NAALADL2: variants seen among roughly 807,000 people sequenced by gnomAD.
NAALADL2 encodes N-acetylated alpha-linked acidic dipeptidase like 2, also known as inactive N-acetylated-alpha-linked acidic dipeptidase-like protein 2.
In NAALADL2, 76 loss-of-function variants were observed where a neutral mutation model predicts 87.2. The observed-to-expected ratio is 0.87, with a 90% CI of 0.72 to 1.05. The LOEUF is 1.05. Ranked by LOEUF, NAALADL2 falls within the 50% of genes least tolerant of loss-of-function variation. NAALADL2 has a pLI of 0.00. For missense variants in NAALADL2, 1,089 were observed against 945.8 expected (o/e 1.15, Z -1.99); for synonymous variants, 354 against 331.0 (o/e 1.07, Z -0.75).
chr3:175,009,599 T>C (rs1019520956), intron 1 of NAALADL2, among the ~76,000 whole-genome samples: 1 of 152,216 alleles, frequency 6.6e-6, no homozygotes, highest in Non-Finnish European at 1.5e-5. Context: ...CTGCAGATGC[T>C]ATATGAAAAT....
intron 13 of NAALADL2, among the ~76,000 whole-genome samples, chr3:175,777,765 C>T (rs1750445231): frequency 1.3e-5 from 2 of 152,104 alleles, no homozygotes; most frequent in African/African-American, 4.8e-5. Flanking sequence ...TGTAGTTTAT[C>T]CAGACCACAA....
chr3:175,568,411 A>C (rs1465200355), intron 9 of NAALADL2, among the ~76,000 whole-genome samples: 1 of 152,212 alleles, frequency 6.6e-6, no homozygotes, highest in Non-Finnish European at 1.5e-5. Context: ...CTGGTGATGC[A>C]ATATGATAAA....
intron 1 of NAALADL2, among the ~76,000 whole-genome samples, chr3:174,495,743 T>C (rs1407619814): frequency 1.4e-4 from 16 of 115,660 alleles, no homozygotes; most frequent in African/African-American, 3.1e-5. Flanking sequence ...AATAGACTTC[T>C]TGGTGTGATA....
chr3:174,887,537 A>G (rs1486418906), intron 1 of NAALADL2, among the ~76,000 whole-genome samples: 1 of 152,174 alleles, frequency 6.6e-6, no homozygotes, highest in African/African-American at 2.4e-5. Flanking sequence ...GCTCACATCC[A>G]TAAACCCAGC....
At chr3:174,606,922 T>G (rs1343209499) in intron 2 of NAALADL2, among the ~76,000 whole-genome samples, 1 of 151,374 alleles carries the variant, frequency 6.6e-6, no homozygotes, top group Non-Finnish European at 1.5e-5. Context: ...GCCAGAAAGG[T>G]CGGGTTACCC....
chr3:175,621,096 G>A (rs1428797463), intron 10 of NAALADL2, among the ~76,000 whole-genome samples: 1 of 152,076 alleles, frequency 6.6e-6, no homozygotes, highest in Non-Finnish European at 1.5e-5. Context: ...AGGAACAGAA[G>A]CTCTCACTCC....
intron 9 of NAALADL2, among the ~76,000 whole-genome samples, chr3:175,556,476 A>T (rs1023556668): frequency 6.6e-6 from 1 of 152,280 alleles, no homozygotes; most frequent in East Asian, 1.9e-4. Flanking sequence ...AATATACCTT[A>T]AAAAATAGCT....
At chr3:175,116,627 G>A (rs6803384) in intron 2 of NAALADL2, among the ~76,000 whole-genome samples, 91,863 of 151,870 alleles carry the variant, frequency 0.6, 28,297 homozygotes, top group African/African-American at 0.73. Context: ...ATGGATAGGA[G>A]GAATCAATAT....
intron 2 of NAALADL2, among the ~76,000 whole-genome samples, chr3:174,692,764 GTGT>G (rs1174973241): frequency 6.6e-6 from 1 of 151,956 alleles, no homozygotes; most frequent in Admixed American, 6.6e-5. Flanking sequence ...ACTTGGCTAT[GTGT>G]TGTTTATATT....
intron 9 of NAALADL2, among the ~76,000 whole-genome samples, chr3:175,490,199 G>T (rs1258075971): frequency 2.0e-5 from 3 of 152,086 alleles, no homozygotes; most frequent in African/African-American, 7.2e-5. Context: ...GCCCTTCTTT[G>T]CTGTAATGGT....
At chr3:175,468,572 C>A (rs1724424590) in intron 8 of NAALADL2, among the ~76,000 whole-genome samples, 1 of 151,794 alleles carries the variant, frequency 6.6e-6, no homozygotes, top group Non-Finnish European at 1.5e-5. Flanking sequence ...CTTAAAGATT[C>A]TTTTCGAATT....
At chr3:174,836,739 A>G (rs1216184529) in intron 3 of NAALADL2, among the ~76,000 whole-genome samples, 2 of 149,200 alleles carry the variant, frequency 1.3e-5, no homozygotes. Flanking sequence ...AAAAATGCTT[A>G]AGAGGGTAAA....
At chr3:175,619,273 G>GGAAGGAAGGAAGGAGAAGGAAA (rs1553933972) in intron 10 of NAALADL2, among the ~76,000 whole-genome samples, 28 of 133,282 alleles carry the variant, frequency 2.1e-4, no homozygotes, top group African/African-American at 7.3e-4. Flanking sequence ...GGAAGGAGAA[G>GGAAGGAAGGAAGGAGAAGGAAA]GAAAGAAAGA....
intron 1 of NAALADL2, among the ~76,000 whole-genome samples, chr3:174,982,356 T>TA (rs796717384): frequency 0.017 from 2,554 of 147,834 alleles, 67 homozygotes; most frequent in African/African-American, 0.06. Context: ...CAGTATAACT[T>TA]AAAAAAAAAA....
intron 4 of NAALADL2, among the ~76,000 whole-genome samples, chr3:175,287,014 T>G (rs1755060855): frequency 2.0e-5 from 3 of 151,182 alleles, no homozygotes; most frequent in Non-Finnish European, 3.0e-5. Flanking sequence ...GGAGGTGGAG[T>G]AGGAGGATCC....
intron 1 of NAALADL2, among the ~76,000 whole-genome samples, chr3:175,069,006 T>C (rs933578090): frequency 2.6e-5 from 4 of 152,002 alleles, no homozygotes; most frequent in Non-Finnish European, 5.9e-5. Context: ...TAACAAAAAT[T>C]AATTCAAGAT....
chr3:175,030,702 G>C (rs897220652), intron 1 of NAALADL2, among the ~76,000 whole-genome samples: 1 of 151,980 alleles, frequency 6.6e-6, no homozygotes, highest in African/African-American at 2.4e-5. Flanking sequence ...TCAGATATAA[G>C]AAAATTAAAG....
Position 175,557,963 on chromosome 3 carries a change from G to A in NAALADL2, c.1654-18078G>A, listed in dbSNP as rs182849831. Reference sequence around the variant, plus strand: ...TAATCCCAGCACTTTGGGAGGCTGAGGCGGACAGATCACGAGGTCAGGAAA... The same window carrying A: ...TAATCCCAGCACTTTGGGAGGCTGAAGCGGACAGATCACGAGGTCAGGAAA... On this transcript the variant is annotated intron_variant, in intron 9 of 13. Coordinates refer to ENST00000454872, the MANE Select transcript of NAALADL2 (RefSeq NM_207015.3). Among the ~76,000 whole-genome samples, 399 of 152,198 alleles carry A rather than the reference G, an allele frequency of 2.6e-3. 2 individuals carry two copies. The highest frequency in any genetic ancestry group is 9.2e-3 in the African/African-American group (384 of 41,534).
intron 11 of NAALADL2, among the ~76,000 whole-genome samples, chr3:175,653,292 C>T (rs890206078): frequency 3.9e-5 from 6 of 152,064 alleles, no homozygotes; most frequent in Admixed American, 1.3e-4. Context: ...GCTAATCCTT[C>T]TTCCACCATT....
Sources: allele counts gnomAD v4.1 joint callset (sites outside exome capture counted in the v4.1 genomes callset), GRCh38; gene constraint gnomAD v4.1.1; transcripts MANE v1.5; gene names NCBI Gene and HGNC (gene_info 2026-07-23, HGNC 2026-07-21).